RIC3: variants seen among roughly 807,000 people sequenced by gnomAD.
The protein encoded by RIC3 is RIC3 acetylcholine receptor chaperone.
A neutral mutation model predicts 27.3 loss-of-function variants in RIC3; 28 were observed. The observed-to-expected ratio is 1.02, with a 90% CI of 0.76 to 1.41. RIC3 has a LOEUF of 1.41. Among genes scored for constraint, RIC3 ranks in the 40% most tolerant of loss-of-function variants. RIC3 has a pLI of 0.00. For synonymous variants in RIC3, 184 were observed against 160.4 expected (o/e 1.15, Z -1.11); for missense variants, 501 against 444.7 (o/e 1.13, Z -1.14).
At position 8,168,930 on chromosome 11, in the gene RIC3, C is replaced by T; in HGVS notation, c.60G>A (p.Ser20=). ...ACAGGAAGGCCTTGGGCAGCAGCAGCGACAGAGCCAGGACAAGCCCAGAAG... is the reference window on the plus strand; with the variant it reads ...ACAGGAAGGCCTTGGGCAGCAGCAGTGACAGAGCCAGGACAAGCCCAGAAG... ...ALASGLVLAL[S]LLLPKAFLSR... Residue 20 remains serine (S), a synonymous_variant, in exon 1 of 6, where the codon TCG becomes TCA. Coordinates refer to ENST00000309737, the MANE Select transcript of RIC3 (RefSeq NM_001206671.4). 4 of 1,611,346 alleles carry T rather than the reference C, an allele frequency of 2.5e-6. No individual in the cohort carries two copies. The highest frequency in any genetic ancestry group is 3.4e-6 in the Non-Finnish European group (4 of 1,178,782).
chr11:8,138,255 TGAG>T lies in RIC3; in HGVS notation c.427+14_427+16del, dbSNP rs375008019. 1.2e-5 allele frequency: 19 copies of T among 1,572,444 alleles called. No homozygotes were observed. In the African/African-American group the frequency reaches 2.4e-4, roughly 20 times the overall value. On this transcript the variant is annotated intron_variant, in intron 3 of 5. Coordinates refer to ENST00000309737, the MANE Select transcript of RIC3 (RefSeq NM_001206671.4). Reference sequence around the variant, plus strand: ...GACTCAATAATACCTGTGAATATACTGAGAAGGGGCACTTACTAATTTTCCTGT... The same window carrying T: ...GACTCAATAATACCTGTGAATATACTAAGGGGCACTTACTAATTTTCCTGT...
At chr11:8,134,644 C>G (rs1448251401) in intron 4 of RIC3, among the ~76,000 whole-genome samples, 1 of 152,152 alleles carries the variant, frequency 6.6e-6, no homozygotes, top group Non-Finnish European at 1.5e-5. Flanking sequence ...TCTCCACATC[C>G]TCTCCAGCAC....
At chr11:8,166,875 C>T (rs1306295555) in intron 1 of RIC3, among the ~76,000 whole-genome samples, 2 of 151,156 alleles carry the variant, frequency 1.3e-5, no homozygotes, top group Non-Finnish European at 2.9e-5. Flanking sequence ...GAGTGAGACC[C>T]AGGGAAAGGG....
the RIC3 span, among the ~76,000 whole-genome samples, chr11:8,098,516 T>C: frequency 6.6e-6 from 1 of 152,178 alleles, no homozygotes; most frequent in African/African-American, 2.4e-5. Flanking sequence ...GAATCCTGAT[T>C]GACCTCCCTG....
chr11:8,117,345 G>A (rs936610668), intron 5 of RIC3, among the ~76,000 whole-genome samples: 13 of 152,190 alleles, frequency 8.5e-5, no homozygotes, highest in Non-Finnish European at 1.6e-4. Flanking sequence ...GATTACAGGC[G>A]TGAGCCACCA....
Position 8,137,469 on chromosome 11 carries a change from T to G in RIC3, c.430A>C (p.Ser144Arg), listed in dbSNP as rs773208794. 1 of 1,613,664 alleles carries G rather than the reference T, an allele frequency of 6.2e-7. No individual in the cohort carries two copies. Among genetic ancestry groups the G allele is most frequent in the South Asian group, 1.1e-5 (1 of 91,078 alleles). Residue 144 changes from serine to arginine, a missense_variant and splice_region_variant, in exon 4 of 6, where the codon AGT becomes CGT. Transcript: ENST00000309737. ...TCTTGCAGTTGAGCAAGCTCAAAAC[T>G]GGCTAAAAAATAAGCAACAATCTAA... ...MPGNTHRKIT[S>R]FELAQLQEKL...
intron 4 of RIC3, 143 bp downstream of exon 4, chr11:8,137,235 G>C (rs1311746465): frequency 4.5e-6 from 3 of 670,194 alleles, no homozygotes; most frequent in Non-Finnish European, 7.9e-6. Flanking sequence ...TGTTGGTCAG[G>C]ATGGTCTCAA....
At chr11:8,094,449 G>A in the RIC3 span, among the ~76,000 whole-genome samples, 4 of 152,122 alleles carry the variant, frequency 2.6e-5, no homozygotes, top group Non-Finnish European at 4.4e-5. Flanking sequence ...CAGAACCACC[G>A]TCCCCCACCT....
chr11:8,101,369 G>C, downstream of RIC3: 1 of 1,313,024 alleles, frequency 7.6e-7, no homozygotes, highest in East Asian at 2.3e-5. Flanking sequence ...GATTCCCCTG[G>C]CATCTCTGCT....
In RIC3 at chr11:8,109,380, A is replaced by G. The variant is rs1945004662; in HGVS notation, c.*1318T>C. ...TCTTACATGTAAACTGAATTCACAC[A>G]TACCTCATGATGTAATTCATGGGTG... On this transcript the variant is annotated 3_prime_UTR_variant, in exon 6 of 6. Transcript: ENST00000309737. 1 of 152,168 alleles carries G rather than the reference A, an allele frequency of 6.6e-6. No individual in the cohort carries two copies. Among genetic ancestry groups the G allele is most frequent in the African/African-American group, 2.4e-5 (1 of 41,426 alleles). 9.4% of individuals were successfully genotyped at this position (152,168 alleles called of 1,614,324 possible). A position where few individuals can be genotyped will look rare whatever the true frequency, so the allele number is the denominator to read the frequency against.
intron 1 of RIC3, among the ~76,000 whole-genome samples, chr11:8,153,217 A>C (rs528732553): frequency 6.6e-6 from 1 of 152,198 alleles, no homozygotes; most frequent in Non-Finnish European, 1.5e-5. Context: ...AGTACTTTAC[A>C]TGCGGTATTA....
intron 1 of RIC3, chr11:8,153,514 A>G (rs1453438552): frequency 2.4e-6 from 1 of 413,584 alleles, no homozygotes; most frequent in East Asian, 7.5e-5. Flanking sequence ...TCCTGCCTTA[A>G]TCTCTATGGC....
chr11:8,154,895 C>A (rs540204225), intron 1 of RIC3, among the ~76,000 whole-genome samples: 3 of 152,088 alleles, frequency 2.0e-5, no homozygotes, highest in Non-Finnish European at 2.9e-5. Flanking sequence ...TAAAAGGGAA[C>A]ATGACTAAAT....
At chr11:8,124,029 A>G (rs1007520671) in intron 5 of RIC3, among the ~76,000 whole-genome samples, 8 of 151,104 alleles carry the variant, frequency 5.3e-5, no homozygotes, top group African/African-American at 1.9e-4. Flanking sequence ...ATCACGTGCC[A>G]CTGTACTCCA....
At chr11:8,128,394 C>G in intron 4 of RIC3, 1 of 380,982 alleles carries the variant, frequency 2.6e-6, no homozygotes, top group Non-Finnish European at 5.1e-6. Context: ...CAGGAACAGA[C>G]AAGAGCTTTC....
At chr11:8,166,994 T>A (rs770838870) in intron 1 of RIC3, among the ~76,000 whole-genome samples, 1 of 152,194 alleles carries the variant, frequency 6.6e-6, no homozygotes, top group Non-Finnish European at 1.5e-5. Context: ...AGATTCTCAA[T>A]GGTGTATGTA....
downstream of RIC3, chr11:8,103,595 A>G (rs1256742305): frequency 6.6e-6 from 1 of 152,626 alleles, no homozygotes; most frequent in African/African-American, 2.4e-5. Flanking sequence ...TCCAACGATT[A>G]GCTTTTGCAA....
intron 4 of RIC3, among the ~76,000 whole-genome samples, chr11:8,131,238 C>T (rs1177568789): frequency 2.6e-5 from 4 of 152,226 alleles, no homozygotes; most frequent in African/African-American, 9.7e-5. Context: ...ACGGAGCCTA[C>T]AGTCTTTTGC....
chr11:8,115,688 T>G (rs1945777717), intron 5 of RIC3, among the ~76,000 whole-genome samples: 1 of 152,128 alleles, frequency 6.6e-6, no homozygotes, highest in Non-Finnish European at 1.5e-5. Flanking sequence ...ATGCCTGTAA[T>G]CCCAGCTACT....
Sources: allele counts gnomAD v4.1 joint callset (sites outside exome capture counted in the v4.1 genomes callset), GRCh38; gene constraint gnomAD v4.1.1; transcripts MANE v1.5; gene names NCBI Gene and HGNC (gene_info 2026-07-23, HGNC 2026-07-21).